The following KCNN3 variants were observed in gnomAD, a reference collection of about 807,000 sequenced individuals.
The protein encoded by KCNN3 is potassium calcium-activated channel subfamily N member 3.
KCNN3 carries 16 observed loss-of-function variants against 62.9 expected under a neutral mutation model. The observed-to-expected ratio is 0.25, with a 90% CI of 0.17 to 0.39. KCNN3 has a LOEUF of 0.39. Among genes scored for constraint, KCNN3 ranks in the 10% least tolerant of loss-of-function variants. KCNN3 has a pLI of 1.00. For synonymous variants in KCNN3, 370 were observed against 389.2 expected, an observed-to-expected ratio of 0.95 and a Z score of 0.58; for missense variants, 599 against 949.4, an observed-to-expected ratio of 0.63 and a Z score of 4.85.
chr1:154,805,248 C>T (rs1184620169), intron 2 of KCNN3, among the ~76,000 whole-genome samples: 1 of 152,112 alleles, frequency 6.6e-6, no homozygotes, highest in Non-Finnish European at 1.5e-5. Context: ...ACACAATTGT[C>T]AGGTAGGGGG....
intron 1 of KCNN3, among the ~76,000 whole-genome samples, 183 bp from the exon 2 acceptor site, chr1:154,822,367 C>T (rs542850997): frequency 2.2e-4 from 33 of 152,328 alleles, no homozygotes; most frequent in African/African-American, 7.5e-4. Flanking sequence ...GTGCCCGGGC[C>T]GGCTCTGTCT....
chr1:154,868,170 C>T (rs1571352802), intron 1 of KCNN3: 1 of 985,522 alleles, frequency 1.0e-6, no homozygotes, highest in Non-Finnish European at 1.2e-6. Flanking sequence ...TTGTGGGGAC[C>T]GCCTGGGAAG....
In KCNN3 at chr1:154,699,212, C is replaced by A. The variant is rs1218438415; in HGVS notation, c.*8764G>T. The A allele has an allele frequency of 6.8e-6, 1 of 146,828 alleles. No homozygotes were observed. The highest frequency in any genetic ancestry group is 6.8e-5 in the Admixed American group (1 of 14,790). The allele number at this position is 146,828 out of a possible 1,614,324, so 9.1% of individuals were successfully genotyped here. On this transcript the variant is annotated 3_prime_UTR_variant, in exon 8 of 8. Coordinates refer to ENST00000271915, the MANE Select transcript of KCNN3 (RefSeq NM_002249.6). ...TTTTTTTTTTTTTAATATCCTTTAC[C>A]TTTTTAATAAAAAGTAAAAAACAAA...
At chr1:154,735,054 G>C (rs1279618601) in intron 3 of KCNN3, among the ~76,000 whole-genome samples, 6 of 152,220 alleles carry the variant, frequency 3.9e-5, no homozygotes, top group Non-Finnish European at 8.8e-5. Flanking sequence ...AAGAAGCTTG[G>C]ATCTTGTCTT....
intron 2 of KCNN3, among the ~76,000 whole-genome samples, chr1:154,789,738 A>G (rs917798025): frequency 6.6e-6 from 1 of 152,058 alleles, no homozygotes; most frequent in Non-Finnish European, 1.5e-5. Flanking sequence ...TACTCTCTAG[A>G]CTGAGCCCTC....
chr1:154,720,407 C>A (rs7554577), intron 5 of KCNN3, among the ~76,000 whole-genome samples: 70,086 of 152,112 alleles, frequency 0.46, 16,846 homozygotes, highest in African/African-American at 0.59. Flanking sequence ...TTATCTGATC[C>A]ATTGTAAAGA....
chr1:154,793,443 C>G (rs1051341816), intron 2 of KCNN3, among the ~76,000 whole-genome samples: 24 of 152,250 alleles, frequency 1.6e-4, no homozygotes, highest in Middle Eastern at 3.4e-3. Flanking sequence ...GTGGCAGACC[C>G]CAATGCAGCC....
intron 3 of KCNN3, among the ~76,000 whole-genome samples, chr1:154,735,288 T>A (rs1413447064): frequency 2.0e-5 from 3 of 152,158 alleles, no homozygotes; most frequent in Non-Finnish European, 4.4e-5. Context: ...CGCGAGCACA[T>A]CAATGGTGGG....
intron 3 of KCNN3, among the ~76,000 whole-genome samples, chr1:154,733,827 C>T (rs1400553310): frequency 6.6e-6 from 1 of 152,218 alleles, no homozygotes; most frequent in Admixed American, 6.5e-5. Context: ...TCCTCCCTCC[C>T]TTCATCCCCA....
At chr1:154,766,705 AGTCTGGCTCT>A (rs1333420798) in intron 3 of KCNN3, among the ~76,000 whole-genome samples, 2 of 140,204 alleles carry the variant, frequency 1.4e-5, no homozygotes, top group African/African-American at 5.3e-5. Context: ...TTTGAGATGG[AGTCTGGCTCT>A]GTCACCCAGG....
At chr1:154,828,911 T>G (rs1329231208) in intron 1 of KCNN3, among the ~76,000 whole-genome samples, 1 of 152,230 alleles carries the variant, frequency 6.6e-6, no homozygotes. Flanking sequence ...GCAATCCGCA[T>G]AGCCAAACAT....
At chr1:154,731,730 G>C (rs377623235) in intron 4 of KCNN3, among the ~76,000 whole-genome samples, 1 of 152,152 alleles carries the variant, frequency 6.6e-6, no homozygotes, top group South Asian at 2.1e-4. Context: ...AAAGGTGTGA[G>C]GGGGGCTGTG....
At chr1:154,738,013 T>TG in intron 3 of KCNN3, among the ~76,000 whole-genome samples, 1 of 152,064 alleles carries the variant, frequency 6.6e-6, no homozygotes, top group Non-Finnish European at 1.5e-5. Flanking sequence ...AAGAAACAAC[T>TG]GGGGGGAAAA....
chr1:154,763,409 C>T (rs1207612578), intron 3 of KCNN3, among the ~76,000 whole-genome samples: 6 of 151,824 alleles, frequency 4.0e-5, no homozygotes, highest in African/African-American at 1.5e-4. Flanking sequence ...CCTATGTTGC[C>T]CAGGCTGAGG....
chr1:154,852,369 ATTTT>A (rs34939586), intron 1 of KCNN3, among the ~76,000 whole-genome samples: 5 of 136,552 alleles, frequency 3.7e-5, no homozygotes, highest in Admixed American at 7.3e-5. Context: ...CACCCAGCTA[ATTTT>A]TTTTTTTTTT....
intron 5 of KCNN3, among the ~76,000 whole-genome samples, chr1:154,718,970 T>C (rs993247638): frequency 1.3e-5 from 2 of 152,180 alleles, no homozygotes; most frequent in African/African-American, 2.4e-5. Context: ...CACACACCTC[T>C]TCCTTGAGCT....
chr1:154,870,105 G>A lies in KCNN3; in HGVS notation c.-141C>T. 2.0e-6 allele frequency: 2 copies of A among 990,986 alleles called. No individual in the cohort carries two copies. The highest frequency in any genetic ancestry group is 3.1e-6 in the Non-Finnish European group (2 of 636,972). The allele number at this position is 990,986 out of a possible 1,614,324, so 61.4% of individuals were successfully genotyped here. A position where few individuals can be genotyped will look rare whatever the true frequency, so the allele number is the denominator to read the frequency against. On this transcript the variant is annotated 5_prime_UTR_variant, in exon 1 of 8. Coordinates refer to ENST00000271915, the MANE Select transcript of KCNN3 (RefSeq NM_002249.6). The stretch of plus-strand genomic sequence containing the variant: ...CCAGTCCTCTCTTTGGCTTGCTTCG[G>A]TTCTCTGGGGCTGCCTGGAGTCCAG...
intron 2 of KCNN3, among the ~76,000 whole-genome samples, chr1:154,799,906 A>G (rs1649888072): frequency 6.6e-6 from 1 of 152,166 alleles, no homozygotes; most frequent in African/African-American, 2.4e-5. Flanking sequence ...CCACGTTGGG[A>G]GGCAGCCACC....
chr1:154,825,904 G>A (rs907892718), intron 1 of KCNN3, among the ~76,000 whole-genome samples: 5 of 151,390 alleles, frequency 3.3e-5, no homozygotes, highest in East Asian at 2.0e-4. Context: ...AAAAATTAGC[G>A]GGACGTGGTG....
Sources: gnomAD v4.1 joint callset for allele counts (sites outside exome capture counted in the v4.1 genomes callset) on GRCh38, gnomAD v4.1.1 for gene constraint, MANE v1.5 for transcripts, NCBI Gene and HGNC (gene_info 2026-07-23, HGNC 2026-07-21) for gene names.